The following AFG3L2 variants were observed in gnomAD, a reference collection of about 807,000 sequenced individuals.
AFG3L2 encodes the protein mitochondrial inner membrane m-AAA protease component AFG3L2.
Under a neutral mutation model 94.5 loss-of-function variants are expected in AFG3L2, and 54 were observed. The observed-to-expected ratio is 0.57, with a 90% CI of 0.46 to 0.72. AFG3L2 has a LOEUF of 0.72. Among genes scored for constraint, AFG3L2 ranks in the 30% least tolerant of loss-of-function variants. The pLI, the probability that AFG3L2 is intolerant of heterozygous loss-of-function variation, is 0.00. For missense variants in AFG3L2, 754 were observed against 994.9 expected (o/e 0.76, Z 3.26); for synonymous variants, 377 against 365.5 (o/e 1.03, Z -0.36).
At chr18:12,359,073 G>T in intron 7 of AFG3L2, 130 bp from the exon 8 acceptor site, 1 of 1,340,408 alleles carries the variant, frequency 7.5e-7, no homozygotes, top group Non-Finnish European at 1.0e-6. Flanking sequence ...TACAAAGGAG[G>T]GTAACTTGCA....
chr18:12,368,946 T>C (rs1317848097), intron 3 of AFG3L2, among the ~76,000 whole-genome samples: 1 of 151,992 alleles, frequency 6.6e-6, no homozygotes, highest in Non-Finnish European at 1.5e-5. Flanking sequence ...GCAACCCCTC[T>C]AGTGTAGCAG....
chr18:12,377,171 GGAAAGGCCGCCAGGCAGCGAAGC>G lies in AFG3L2; in HGVS notation c.-112_-90del. On this transcript the variant is annotated 5_prime_UTR_variant, in exon 1 of 17. Coordinates refer to ENST00000269143, the MANE Select transcript of AFG3L2 (RefSeq NM_006796.3). ...GCCTCGGGAAGCGGGCTCGGCTCGG[GGAAAGGCCGCCAGGCAGCGAAGC>G]GCGCCGGCGGCTCACGGAGGAGCCC... 9.5e-7 allele frequency: 1 copy of G among 1,051,210 alleles called. No individual in the cohort carries two copies. Among genetic ancestry groups the G allele is most frequent in the Non-Finnish European group, 1.3e-6 (1 of 756,394 alleles). 65.1% of individuals were successfully genotyped at this position (1,051,210 alleles called of 1,614,324 possible).
chr18:12,346,084 G>A (rs539124199), intron 13 of AFG3L2, among the ~76,000 whole-genome samples: 10 of 152,108 alleles, frequency 6.6e-5, no homozygotes, highest in South Asian at 4.2e-4. Flanking sequence ...CCTGTGCCTC[G>A]CCCTACTGCC....
At chr18:12,374,749 T>C (rs1909090865) in intron 1 of AFG3L2, among the ~76,000 whole-genome samples, 1 of 152,088 alleles carries the variant, frequency 6.6e-6, no homozygotes, top group African/African-American at 2.4e-5. Flanking sequence ...CTGAATCCAA[T>C]ATTCATGAGC....
intron 6 of AFG3L2, among the ~76,000 whole-genome samples, chr18:12,363,538 T>C (rs1908721062): frequency 6.6e-6 from 1 of 152,184 alleles, no homozygotes; most frequent in African/African-American, 2.4e-5. Flanking sequence ...ACTCACTGTC[T>C]TCTTAATGTA....
At chr18:12,352,167 G>A (rs1017647646) in intron 10 of AFG3L2, among the ~76,000 whole-genome samples, 7 of 152,160 alleles carry the variant, frequency 4.6e-5, no homozygotes, top group Non-Finnish European at 8.8e-5. Context: ...ATTTCTCAGT[G>A]TAAATGCCAT....
intron 14 of AFG3L2, 155 bp downstream of exon 14, chr18:12,343,977 G>T: frequency 2.9e-6 from 2 of 684,364 alleles, no homozygotes; most frequent in South Asian, 1.6e-5. Context: ...TCTATGGGAC[G>T]GTTTGTGCAA....
chr18:12,365,952 G>T (rs1182951006), intron 5 of AFG3L2, among the ~76,000 whole-genome samples: 4 of 141,442 alleles, frequency 2.8e-5, no homozygotes, highest in Non-Finnish European at 6.0e-5. Flanking sequence ...TCGGCTCACT[G>T]CAAGCTCCGC....
intron 15 of AFG3L2, among the ~76,000 whole-genome samples, 182 bp downstream of exon 15, chr18:12,340,019 C>CA (rs1300195527): frequency 2.0e-5 from 3 of 151,998 alleles, no homozygotes; most frequent in Non-Finnish European, 4.4e-5. Flanking sequence ...GACTGTGTCT[C>CA]AAAAAAATAA....
chr18:12,354,132 A>ACCCCCCCCCCCCCC (rs1555672008), intron 9 of AFG3L2, among the ~76,000 whole-genome samples: 1 of 55,842 alleles, frequency 1.8e-5, no homozygotes, highest in Non-Finnish European at 3.4e-5. Context: ...GCCCACTCCC[A>ACCCCCCCCCCCCCC]CCCCCCCCCC....
chr18:12,334,309 T>C (rs1275092632), intron 16 of AFG3L2, among the ~76,000 whole-genome samples: 2 of 152,198 alleles, frequency 1.3e-5, no homozygotes, highest in East Asian at 1.9e-4. Flanking sequence ...CAGACCTTAG[T>C]TGTGCAGCGT....
intron 16 of AFG3L2, among the ~76,000 whole-genome samples, chr18:12,331,268 G>A (rs1378586641): frequency 6.6e-6 from 1 of 152,134 alleles, no homozygotes; most frequent in Admixed American, 6.5e-5. Flanking sequence ...TCTGATGCCT[G>A]CACGACGACA....
In AFG3L2 at chr18:12,371,593, T is replaced by C. The variant is rs766763768; in HGVS notation, c.213A>G (p.Lys71=). The C allele has an allele frequency of 1.2e-6, 2 of 1,613,132 alleles. No individual in the cohort carries two copies. The highest frequency in any genetic ancestry group is 2.7e-5 in the African/African-American group (2 of 74,998). The change falls in exon 2 of 17, where the codon AAA becomes AAG. Residue 71 remains lysine, a splice_region_variant and synonymous_variant. Transcript: ENST00000269143. ...AYQRFCSRPP[K]GFEKYFPNGK... is the part of the protein sequence containing the mutation. Reference sequence around the variant, plus strand: ...CTACAGCCACACCTAAGCATTTACCTTTTGGGGGTCGAGAACAGAATCTTT... The same window carrying C: ...CTACAGCCACACCTAAGCATTTACCCTTTGGGGGTCGAGAACAGAATCTTT...
At chr18:12,349,779 A>G (rs1184315515) in intron 12 of AFG3L2, among the ~76,000 whole-genome samples, 2 of 151,900 alleles carry the variant, frequency 1.3e-5, no homozygotes, top group Non-Finnish European at 2.9e-5. Context: ...CTCCTGCTTC[A>G]GCCTCCCGAG....
rs1220160613 is a variant in AFG3L2, at chr18:12,339,022, A to G, written c.1980+1179T>C. The stretch of plus-strand genomic sequence containing the variant: ...GTAATCCCAGCACTTTGGCAGGCCA[A>G]GGCGGGCGGATCACCAGGTCAGGAG... On this transcript the variant is annotated intron_variant, in intron 15 of 16. Coordinates refer to ENST00000269143, the MANE Select transcript of AFG3L2 (RefSeq NM_006796.3). 2.0e-5 allele frequency among the ~76,000 whole-genome samples: 3 copies of G among 151,988 alleles called. No individual in the cohort carries two copies. The East Asian group carries it at 5.8e-4, about 29-fold the overall frequency.
chr18:12,338,356 C>T (rs914244066), intron 15 of AFG3L2, among the ~76,000 whole-genome samples: 1 of 152,180 alleles, frequency 6.6e-6, no homozygotes, highest in Non-Finnish European at 1.5e-5. Flanking sequence ...ATGCCACTCA[C>T]GCTGAGAACA....
intron 5 of AFG3L2, among the ~76,000 whole-genome samples, chr18:12,364,477 GC>G (rs1291346802): frequency 2.0e-5 from 3 of 152,046 alleles, no homozygotes; most frequent in Non-Finnish European, 1.5e-5. Context: ...ACTAGATATT[GC>G]CAAATTGCTC....
chr18:12,355,192 C>A (rs1908452340), intron 9 of AFG3L2, among the ~76,000 whole-genome samples: 1 of 134,114 alleles, frequency 7.5e-6, no homozygotes. Flanking sequence ...GAGCAAGACT[C>A]CATCTCAAAA....
At chr18:12,340,919 CTTT>C (rs11344408) in intron 14 of AFG3L2, 103 of 143,554 alleles carry the variant, frequency 7.2e-4, no homozygotes, top group South Asian at 1.5e-3. Flanking sequence ...AATGGCTTTT[CTTT>C]TTTTTTTTTT....
Sources: gnomAD v4.1 joint callset for allele counts (sites outside exome capture counted in the v4.1 genomes callset) on GRCh38, gnomAD v4.1.1 for gene constraint, MANE v1.5 for transcripts, NCBI Gene and HGNC (gene_info 2026-07-23, HGNC 2026-07-21) for gene names.